TRIP12: variants seen among roughly 807,000 people sequenced by gnomAD.
TRIP12 encodes thyroid hormone receptor interactor 12, also known as E3 ubiquitin-protein ligase TRIP12.
Under a neutral mutation model 244.2 loss-of-function variants are expected in TRIP12, and 25 were observed. The ratio of observed to expected loss-of-function variants is 0.10; its 90% CI spans 0.07 to 0.14. TRIP12 has a LOEUF of 0.14. Ranked by LOEUF, TRIP12 falls within the 10% of genes least tolerant of loss-of-function variation. The pLI is 1.00. For synonymous variants in TRIP12, 905 were observed against 873.1 expected (o/e 1.04, Z -0.64); for missense variants, 1,677 against 2,486.4 (o/e 0.67, Z 6.92).
intron 2 of TRIP12, among the ~76,000 whole-genome samples, chr2:229,879,114 C>T (rs778006837): frequency 6.6e-5 from 10 of 151,946 alleles, no homozygotes; most frequent in Non-Finnish European, 1.2e-4. Flanking sequence ...TAGCTGGGTG[C>T]GGTGGTGCAC....
chr2:229,860,087 A>G (rs896133073), intron 3 of TRIP12, among the ~76,000 whole-genome samples: 1 of 152,170 alleles, frequency 6.6e-6, no homozygotes, highest in African/African-American at 2.4e-5. Flanking sequence ...AACCTAAACT[A>G]TGGCTCTGAC....
chr2:229,807,997 A>G, intron 16 of TRIP12, 133 bp from the exon 17 acceptor site: 2 of 986,558 alleles, frequency 2.0e-6, no homozygotes, highest in East Asian at 2.6e-5. Flanking sequence ...ACAGAGTCTC[A>G]CTCTGTCGCC....
chr2:229,814,029 A>C lies in TRIP12; in HGVS notation c.1827T>G (p.Gly609=). The C allele has an allele frequency of 6.4e-7, 1 of 1,570,710 alleles. No homozygotes were observed. Among genetic ancestry groups the C allele is most frequent in the Non-Finnish European group, 8.7e-7 (1 of 1,148,620 alleles). The part of the protein sequence containing the change: ...RRHSKAILQA[G]GLADCLLYLE... ...GGTACAGCAAGCAGTCTGCCAAACCACCCTAAAATATAGAAAACTGTTAAG... is the reference window on the plus strand; with the variant it reads ...GGTACAGCAAGCAGTCTGCCAAACCCCCCTAAAATATAGAAAACTGTTAAG... The change falls in exon 13 of 42, where the codon GGT becomes GGG. Residue 609 remains glycine (G), a splice_region_variant and synonymous_variant. Coordinates refer to ENST00000675903, the MANE Select transcript of TRIP12 (RefSeq NM_001348323.3).
chr2:229,796,903 G>A, intron 24 of TRIP12, 121 bp from the exon 25 acceptor site: 3 of 785,936 alleles, frequency 3.8e-6, no homozygotes, highest in Non-Finnish European at 5.8e-6. Context: ...GAGGGCAGGG[G>A]AGTGGTACAG....
chr2:229,777,028 T>C (rs2036472886), intron 37 of TRIP12, among the ~76,000 whole-genome samples: 1 of 152,228 alleles, frequency 6.6e-6, no homozygotes, highest in Non-Finnish European at 1.5e-5. Flanking sequence ...TGATATAATG[T>C]CTGCCCAGAT....
intron 30 of TRIP12, 30 bp downstream of exon 30, chr2:229,791,094 A>G (rs1431926624): frequency 1.7e-5 from 28 of 1,610,750 alleles, no homozygotes; most frequent in Non-Finnish European, 2.3e-5. Flanking sequence ...CCAGTTGGCA[A>G]TCCATTTTCC....
chr2:229,808,148 A>T, intron 16 of TRIP12, 104 bp downstream of exon 16: 1 of 877,446 alleles, frequency 1.1e-6, no homozygotes, highest in Non-Finnish European at 1.8e-6. Flanking sequence ...TTGTATTTTT[A>T]GTAGAGACGG....
chr2:229,812,013 A>G (rs1190139234), intron 13 of TRIP12, among the ~76,000 whole-genome samples: 1 of 152,256 alleles, frequency 6.6e-6, no homozygotes, highest in Non-Finnish European at 1.5e-5. Context: ...AGAATATCAT[A>G]TGGAACTGAT....
chr2:229,867,120 T>A (rs1294660913), intron 2 of TRIP12, among the ~76,000 whole-genome samples: 18 of 150,996 alleles, frequency 1.2e-4, no homozygotes, highest in African/African-American at 4.4e-4. Flanking sequence ...TTTTTTTTTT[T>A]AAGTGTAGGC....
At chr2:229,809,642 C>T (rs1006821811) in intron 15 of TRIP12, among the ~76,000 whole-genome samples, 2 of 152,032 alleles carry the variant, frequency 1.3e-5, no homozygotes, top group East Asian at 3.9e-4. Flanking sequence ...AAATGAATTG[C>T]GGATACTCAA....
intron 15 of TRIP12, among the ~76,000 whole-genome samples, chr2:229,809,499 G>C (rs764701640): frequency 6.6e-6 from 1 of 152,146 alleles, no homozygotes; most frequent in Non-Finnish European, 1.5e-5. Context: ...AAGGCAGGCA[G>C]CAATTTCCCA....
At chr2:229,855,330 G>T (rs532915068) in intron 4 of TRIP12, among the ~76,000 whole-genome samples, 2 of 152,156 alleles carry the variant, frequency 1.3e-5, no homozygotes, top group East Asian at 3.9e-4. Context: ...GAACAAATAA[G>T]ATGACTCATG....
Position 229,792,139 on chromosome 2 carries a change from A to G in TRIP12, c.4215+14T>C. 6.2e-7 allele frequency: 1 copy of G among 1,614,098 alleles called. No homozygotes were observed. Among genetic ancestry groups the G allele is most frequent in the Non-Finnish European group, 8.5e-7 (1 of 1,179,976 alleles). Reference sequence around the variant, plus strand: ...ATATAGTACATTATACATGGTGGGAATATAGTACCTTACCAGAGACTCATC... The same window carrying G: ...ATATAGTACATTATACATGGTGGGAGTATAGTACCTTACCAGAGACTCATC... On this transcript the variant is annotated intron_variant, in intron 28 of 41. Coordinates refer to ENST00000675903, the MANE Select transcript of TRIP12 (RefSeq NM_001348323.3).
At chr2:229,853,118 GT>G (rs1162759772) in intron 4 of TRIP12, among the ~76,000 whole-genome samples, 1 of 152,054 alleles carries the variant, frequency 6.6e-6, no homozygotes, top group African/African-American at 2.4e-5. Context: ...GACCAATTAT[GT>G]CTTAGAATAA....
chr2:229,789,602 A>T lies in TRIP12; in HGVS notation c.4695+9T>A. On this transcript the variant is annotated intron_variant, in intron 31 of 41. Transcript: ENST00000675903. ...CATGAAAACTTCATAAATAGGCAAC[A>T]TTACTCACATCATACAAGTAATACC... 14 of 1,611,750 alleles carry T rather than the reference A, an allele frequency of 8.7e-6. No individual in the cohort carries two copies. The highest frequency in any genetic ancestry group is 1.1e-5 in the Non-Finnish European group (13 of 1,178,832).
chr2:229,906,189 C>G (rs62191695), intron 1 of TRIP12, among the ~76,000 whole-genome samples: 38,033 of 151,134 alleles, frequency 0.25, 5,903 homozygotes, highest in Middle Eastern at 0.44. Flanking sequence ...CCTGTGATCC[C>G]AGCTACTCTG....
rs2031423299 is a variant in TRIP12 at position 229,765,326 on chromosome 2, C to T, written c.*2228G>A. On this transcript the variant is annotated 3_prime_UTR_variant, in exon 42 of 42. Transcript: ENST00000675903. ...TGAATTTAAGGCATAACTGGAGTAACAGCAAATGAAGTATATACTTTTTCC... is the reference window on the plus strand; with the variant it reads ...TGAATTTAAGGCATAACTGGAGTAATAGCAAATGAAGTATATACTTTTTCC... 1 of 152,178 alleles carries T rather than the reference C, an allele frequency of 6.6e-6. No individual in the cohort carries two copies. The allele number at this position is 152,178 out of a possible 1,614,324, so 9.4% of individuals were successfully genotyped here. A position where few individuals can be genotyped will look rare whatever the true frequency, so the allele number is the denominator to read the frequency against.
At chr2:229,781,505 T>A (rs2038157128) in intron 34 of TRIP12, among the ~76,000 whole-genome samples, 1 of 152,184 alleles carries the variant, frequency 6.6e-6, no homozygotes, top group Non-Finnish European at 1.5e-5. Context: ...TTGCCCAAAA[T>A]CACATAGCCA....
rs1360932274 is a variant in TRIP12, at chr2:229,860,527, G to A, written c.103C>T (p.His35Tyr). The change falls in exon 3 of 42, where the codon CAT becomes TAT. Residue 35 changes from histidine (H) to tyrosine (Y), a missense_variant. Physicochemically the swap from His to Tyr is moderately conservative, Grantham distance 83. Transcript: ENST00000675903. ...CCCTTATGTTTTGCCTGCCCTAAATGTGACCTGTCAGCAGAAAATCAAAAC... is the reference window on the plus strand; with the variant it reads ...CCCTTATGTTTTGCCTGCCCTAAATATGACCTGTCAGCAGAAAATCAAAAC... ...PQDDSIGGRS[H>Y]LGQAKHKGYS... 3.1e-6 allele frequency: 5 copies of A among 1,596,912 alleles called. No homozygotes were observed. Among genetic ancestry groups the A allele is most frequent in the Admixed American group, 1.7e-5 (1 of 57,566 alleles).
Sources: allele counts gnomAD v4.1 joint callset (sites outside exome capture counted in the v4.1 genomes callset), GRCh38; gene constraint gnomAD v4.1.1; transcripts MANE v1.5; gene names NCBI Gene and HGNC (gene_info 2026-07-23, HGNC 2026-07-21).